STK3: variants seen among roughly 807,000 people sequenced by gnomAD.
The protein encoded by STK3 is serine/threonine kinase 3, also known as serine/threonine-protein kinase 3.
A neutral mutation model predicts 58.0 loss-of-function variants in STK3; 41 were observed. The observed-to-expected ratio is 0.71, with a 90% CI of 0.55 to 0.92. The LOEUF (loss-of-function observed/expected upper bound fraction) is 0.92. Ranked by LOEUF, STK3 falls within the 40% of genes least tolerant of loss-of-function variation. The pLI is 0.00. For missense variants in STK3, 479 were observed against 602.7 expected, an observed-to-expected ratio of 0.79 and a Z score of 2.15; for synonymous variants, 170 against 191.0, an observed-to-expected ratio of 0.89 and a Z score of 0.91.
In STK3 at chr8:98,869,281, T is replaced by C. The variant is rs1298287741; in HGVS notation, c.110+14366A>G. On this transcript the variant is annotated intron_variant, in intron 3 of 12. Transcript: ENST00000523601. ...ACCAAAAATGCAAAATTTAGCTGGA[T>C]GTGATGGCTCACACCTGTAATCTCA... Among the ~76,000 whole-genome samples the C allele has an allele frequency of 5.9e-5, 9 of 152,012 alleles. No homozygotes were observed. The East Asian group carries it at 1.6e-3, about 26-fold the overall frequency.
At chr8:98,588,049 T>C (rs1019368151) in intron 7 of STK3, among the ~76,000 whole-genome samples, 1 of 152,240 alleles carries the variant, frequency 6.6e-6, no homozygotes, top group Non-Finnish European at 1.5e-5. Flanking sequence ...TGACTCTTTA[T>C]CCAATTTGCC....
intron 3 of STK3, chr8:98,430,731 G>T (rs892616290): frequency 6.0e-6 from 1 of 167,052 alleles, no homozygotes; most frequent in Non-Finnish European, 1.5e-5. Context: ...CCTTTCATGG[G>T]GGGTGACTGG....
intron 4 of STK3, among the ~76,000 whole-genome samples, chr8:98,707,836 CTCTT>C (rs1314503461): frequency 6.6e-6 from 1 of 152,022 alleles, no homozygotes; most frequent in Non-Finnish European, 1.5e-5. Flanking sequence ...TCAAATTTCT[CTCTT>C]TAAGATTATC....
intron 3 of STK3, among the ~76,000 whole-genome samples, chr8:98,861,491 G>T (rs1836935934): frequency 6.6e-6 from 1 of 151,732 alleles, no homozygotes; most frequent in Non-Finnish European, 1.5e-5. Context: ...GGGACTACAG[G>T]CGCACGCCAC....
chr8:98,425,499 C>T (rs1818222007), intron 3 of STK3, among the ~76,000 whole-genome samples: 1 of 152,192 alleles, frequency 6.6e-6, no homozygotes, highest in Admixed American at 6.5e-5. Context: ...GTGTGTGGCC[C>T]TCACTACCCT....
intron 4 of STK3, among the ~76,000 whole-genome samples, chr8:98,729,683 G>C (rs1828034142): frequency 6.6e-6 from 1 of 152,104 alleles, no homozygotes; most frequent in African/African-American, 2.4e-5. Flanking sequence ...AATATATATA[G>C]GGCCACTTAT....
At chr8:98,382,568 G>A (rs921360513) in intron 1 of STK3, among the ~76,000 whole-genome samples, 24 of 150,662 alleles carry the variant, frequency 1.6e-4, no homozygotes, top group Non-Finnish European at 2.9e-5. Flanking sequence ...GATTGGAGGC[G>A]GGGGGAGCCT....
chr8:98,835,127 A>G (rs931447896), intron 3 of STK3, among the ~76,000 whole-genome samples: 3 of 152,138 alleles, frequency 2.0e-5, no homozygotes, highest in African/African-American at 7.2e-5. Context: ...GAAGTTCCAT[A>G]CTCATGACTC....
At chr8:98,706,897 G>A (rs1040677030) in intron 5 of STK3, among the ~76,000 whole-genome samples, 7 of 152,132 alleles carry the variant, frequency 4.6e-5, no homozygotes, top group Admixed American at 2.6e-4. Flanking sequence ...AAAAGCTACA[G>A]AAATGAGCTA....
At chr8:98,680,237 T>G (rs1375935237) in intron 6 of STK3, among the ~76,000 whole-genome samples, 1 of 152,026 alleles carries the variant, frequency 6.6e-6, no homozygotes, top group Non-Finnish European at 1.5e-5. Flanking sequence ...AATTAGATAC[T>G]GTGAAAAAAT....
chr8:98,569,911 A>ATG (rs1812825635), intron 8 of STK3, among the ~76,000 whole-genome samples: 1 of 149,884 alleles, frequency 6.7e-6, no homozygotes, highest in African/African-American at 2.4e-5. Flanking sequence ...AAAAAAAAAA[A>ATG]TATGTGTGTG....
chr8:98,813,288 A>C (rs919141368), intron 1 of STK3, among the ~76,000 whole-genome samples: 1 of 152,234 alleles, frequency 6.6e-6, no homozygotes, highest in African/African-American at 2.4e-5. Flanking sequence ...GCCAACATCT[A>C]TCGGACTCTA....
chr8:98,645,213 A>G (rs1820312346), intron 6 of STK3, among the ~76,000 whole-genome samples: 1 of 152,236 alleles, frequency 6.6e-6, no homozygotes, highest in African/African-American at 2.4e-5. Context: ...CAGCAGAACT[A>G]GAAGCAGAGA....
chr8:98,714,080 A>AC lies in STK3; in HGVS notation c.352-6770dup, dbSNP rs533620860. Among the ~76,000 whole-genome samples the AC allele has an allele frequency of 9.2e-3, 1,402 of 152,194 alleles. 17 individuals are homozygous for AC. Among genetic ancestry groups the AC allele is most frequent in the African/African-American group, 0.032 (1,325 of 41,558 alleles). ...AAAAGGCCTTTGACAAAATTCAACA[A>AC]CCTACATGCTACAAACTCTCAATAA... On this transcript the variant is annotated intron_variant, in intron 4 of 10. Transcript: ENST00000419617.
chr8:98,706,385 G>T, intron 6 of STK3, 82 bp downstream of exon 6: 1 of 1,347,026 alleles, frequency 7.4e-7, no homozygotes, highest in Non-Finnish European at 9.9e-7. Context: ...AACTTATTTA[G>T]TTTATATTTA....
At chr8:98,674,593 A>T (rs1263465152) in intron 6 of STK3, among the ~76,000 whole-genome samples, 1 of 152,168 alleles carries the variant, frequency 6.6e-6, no homozygotes, top group African/African-American at 2.4e-5. Context: ...TATAGTTTAA[A>T]GAATATGTCA....
At chr8:98,411,739 A>T (rs1475012700) in intron 3 of STK3, among the ~76,000 whole-genome samples, 1 of 152,222 alleles carries the variant, frequency 6.6e-6, no homozygotes, top group Non-Finnish European at 1.5e-5. Context: ...AGGCCTGAGA[A>T]ATGCCTTATG....
Position 98,428,354 on chromosome 8 carries a change from C to T in STK3, n.483+5773G>A, listed in dbSNP as rs762696769. 3.1e-6 allele frequency: 5 copies of T among 1,614,174 alleles called. No individual in the cohort carries two copies. In the South Asian group the frequency reaches 5.5e-5, roughly 18 times the overall value. On this transcript the variant is annotated intron_variant and non_coding_transcript_variant, in intron 3 of 3. Coordinates refer to the STK3 transcript ENST00000517832. The surrounding 1 kb of genome is among the most constrained non-coding windows in gnomAD (Gnocchi z 6.7). ...CCTGCTGCAGCTACAGCTACCATGG[C>T]CGCAAAGTAGAGCCCGAGCAGGAGA...
At chr8:98,379,679 T>G (rs1055415148) in intron 1 of STK3, among the ~76,000 whole-genome samples, 6 of 152,220 alleles carry the variant, frequency 3.9e-5, no homozygotes, top group Non-Finnish European at 7.3e-5. Context: ...ACCCTTGAGA[T>G]CTTTCATTCT....
Sources: gnomAD v4.1 joint callset for allele counts (sites outside exome capture counted in the v4.1 genomes callset) on GRCh38, gnomAD v4.1.1 for gene constraint, Gnocchi (gnomAD v3.1) non-coding constraint, MANE v1.5 for transcripts, NCBI Gene and HGNC (gene_info 2026-07-23, HGNC 2026-07-21) for gene names.